The following A1CF variants were observed in gnomAD, a reference collection of about 807,000 sequenced individuals.
A1CF encodes the protein APOBEC-1 stimulating protein.
A neutral mutation model predicts 68.9 loss-of-function variants in A1CF; 48 were observed. That is an observed-to-expected ratio of 0.70 (90% CI 0.55 to 0.89). The LOEUF (loss-of-function observed/expected upper bound fraction) is 0.89. A1CF is among the 40% of genes least tolerant of loss of function. The pLI is 0.00. For synonymous variants in A1CF, 272 were observed against 260.4 expected (o/e 1.04, Z -0.43); for missense variants, 653 against 718.9 (o/e 0.91, Z 1.05).
chr10:50,828,927 A>C (rs1839102982), intron 6 of A1CF, among the ~76,000 whole-genome samples: 1 of 152,180 alleles, frequency 6.6e-6, no homozygotes, highest in Non-Finnish European at 1.5e-5. Flanking sequence ...ATTTTCAAAA[A>C]GTCCTAATTA....
intron 12 of A1CF, among the ~76,000 whole-genome samples, chr10:50,807,351 T>C (rs1564490772): frequency 6.6e-6 from 1 of 152,168 alleles, no homozygotes; most frequent in Non-Finnish European, 1.5e-5. Flanking sequence ...ATTTAAAACA[T>C]TTGCCTTTAC....
intron 1 of A1CF, among the ~76,000 whole-genome samples, chr10:50,871,644 A>T (rs1407393911): frequency 6.6e-6 from 1 of 151,862 alleles, no homozygotes; most frequent in African/African-American, 2.4e-5. Flanking sequence ...TAAAATAAAA[A>T]CTCTGGACCC....
rs145488676 is a variant in A1CF at position 50,842,074 on chromosome 10, A to AAC, written c.235-84_235-83dup. On this transcript the variant is annotated intron_variant, in intron 4 of 12. Transcript: ENST00000373997. The stretch of plus-strand genomic sequence containing the variant: ...GTGTGCATGTGCTGATACACACACA[A>AAC]ACACACACACACACAATGCTTTCTG... The AAC allele has an allele frequency of 3.7e-3, 4,465 of 1,221,666 alleles. 69 individuals carry two copies. In the African/African-American group the frequency reaches 0.053, roughly 15 times the overall value. The allele number at this position is 1,221,666 out of a possible 1,614,324, so 75.7% of individuals were successfully genotyped here.
rs755117532 is a variant in A1CF, at chr10:50,836,198, A to G, written c.480T>C (p.Thr160=). The G allele has an allele frequency of 1.9e-6, 3 of 1,614,034 alleles. No homozygotes were observed. The highest frequency in any genetic ancestry group is 1.7e-6 in the Non-Finnish European group (2 of 1,179,916). The change falls in exon 6 of 13, where the codon ACT becomes ACC. Residue 160 remains threonine (T), a synonymous_variant. Transcript: ENST00000373997. ...EEILSEMKKV[T]EGVVDVIVYP... ...AGACGATGACATCGACAACACCTTC[A>G]GTAACCTTTTTCATCTCCGATAAGA...
At chr10:50,837,554 G>A (rs770672285) in intron 5 of A1CF, among the ~76,000 whole-genome samples, 11 of 152,154 alleles carry the variant, frequency 7.2e-5, no homozygotes, top group South Asian at 6.2e-4. Flanking sequence ...AATACCTCAC[G>A]GTAAAGAACT....
chr10:50,871,080 A>G (rs1302155497), intron 1 of A1CF, among the ~76,000 whole-genome samples: 1 of 151,740 alleles, frequency 6.6e-6, no homozygotes, highest in Non-Finnish European at 1.5e-5. Flanking sequence ...AGAACAAAAC[A>G]TCCTTAAATT....
chr10:50,877,343 C>T (rs1841559458), intron 1 of A1CF, among the ~76,000 whole-genome samples: 1 of 152,024 alleles, frequency 6.6e-6, no homozygotes. Context: ...TATGTTTCTC[C>T]CTCTCTTTTT....
intron 5 of A1CF, among the ~76,000 whole-genome samples, chr10:50,841,008 A>C (rs1208218701): frequency 3.3e-5 from 5 of 152,050 alleles, no homozygotes; most frequent in African/African-American, 1.2e-4. Context: ...CCCTCATCCA[A>C]CTACCACCAT....
At chr10:50,815,868 G>A (rs1838340354) in intron 9 of A1CF, 138 bp downstream of exon 9, 1 of 972,100 alleles carries the variant, frequency 1.0e-6, no homozygotes, top group Non-Finnish European at 1.5e-6. Context: ...GAAAACTATT[G>A]ATATAATAGT....
At chr10:50,820,774 A>G in intron 7 of A1CF, 125 bp from the exon 8 acceptor site, 1 of 652,374 alleles carries the variant, frequency 1.5e-6, no homozygotes, top group Non-Finnish European at 2.5e-6. Flanking sequence ...TTAAGTAAGG[A>G]TCTCATCAAG....
At position 50,803,656 on chromosome 10, in the gene A1CF, A is replaced by G. The variant is rs1033165363; in HGVS notation, c.*3073T>C. The G allele has an allele frequency of 6.6e-6, 1 of 152,226 alleles. No individual in the cohort carries two copies. Among genetic ancestry groups the G allele is most frequent in the Non-Finnish European group, 1.5e-5 (1 of 68,032 alleles). The allele number at this position is 152,226 out of a possible 1,614,324, so 9.4% of individuals were successfully genotyped here. A position where few individuals can be genotyped will look rare whatever the true frequency, so the allele number is the denominator to read the frequency against. On this transcript the variant is annotated 3_prime_UTR_variant, in exon 13 of 13. Transcript: ENST00000373997. ...AGATACCCAATCCCATTGCTGATCA[A>G]TTTCCTCCTACTTAAGCAACATTAG...
chr10:50,843,891 G>T, intron 4 of A1CF, 97 bp downstream of exon 4: 4 of 1,421,108 alleles, frequency 2.8e-6, no homozygotes, highest in Non-Finnish European at 2.9e-6. Flanking sequence ...AATGGAAACA[G>T]CCACTGACCA....
At chr10:50,884,531 G>A (rs756589661) in intron 1 of A1CF, among the ~76,000 whole-genome samples, 12 of 152,184 alleles carry the variant, frequency 7.9e-5, no homozygotes, top group African/African-American at 1.4e-4. Flanking sequence ...CATAGCACAC[G>A]TTATAAAGAA....
chr10:50,806,936 G>A (rs1837859408), intron 12 of A1CF, 56 bp from the exon 13 acceptor site: 2 of 1,539,084 alleles, frequency 1.3e-6, no homozygotes, highest in East Asian at 4.6e-5. Flanking sequence ...GCTCCCTTTT[G>A]GCTTATTTGT....
At chr10:50,838,183 A>T (rs1410866832) in intron 5 of A1CF, among the ~76,000 whole-genome samples, 1 of 152,146 alleles carries the variant, frequency 6.6e-6, no homozygotes, top group South Asian at 2.1e-4. Flanking sequence ...CCATGGAGCG[A>T]ATGGCTCTTG....
intron 2 of A1CF, 147 bp from the exon 3 acceptor site, chr10:50,860,132 G>A: frequency 1.9e-6 from 1 of 524,286 alleles, no homozygotes; most frequent in Admixed American, 3.5e-5. Context: ...ACAAGGCTGT[G>A]TAAATGTGCT....
chr10:50,818,989 C>A (rs996171029), intron 8 of A1CF, among the ~76,000 whole-genome samples: 1 of 152,102 alleles, frequency 6.6e-6, no homozygotes, highest in African/African-American at 2.4e-5. Context: ...TTGCATTTAG[C>A]CAATGGGGAA....
chr10:50,854,998 C>T (rs149428655), intron 3 of A1CF, among the ~76,000 whole-genome samples: 1,635 of 151,564 alleles, frequency 0.011, 39 homozygotes, highest in African/African-American at 0.036. Flanking sequence ...TTAAGACTAC[C>T]TGAGGGTGAT....
intron 3 of A1CF, among the ~76,000 whole-genome samples, chr10:50,858,270 C>T (rs1031604530): frequency 2.6e-5 from 4 of 151,976 alleles, no homozygotes; most frequent in South Asian, 2.1e-4. Flanking sequence ...ATTACCTGAA[C>T]GTTACCAGAA....
Sources: allele counts gnomAD v4.1 joint callset (sites outside exome capture counted in the v4.1 genomes callset), GRCh38; gene constraint gnomAD v4.1.1; transcripts MANE v1.5; gene names NCBI Gene and HGNC (gene_info 2026-07-23, HGNC 2026-07-21).